The following FCHO2 variants were observed in gnomAD, a reference collection of about 807,000 sequenced individuals.
FCHO2 encodes F-BAR domain only protein 2.
FCHO2 carries 43 observed loss-of-function variants against 114.1 expected under a neutral mutation model. The ratio of observed to expected loss-of-function variants is 0.38; its 90% CI spans 0.30 to 0.49. The LOEUF is 0.49. FCHO2 is among the 20% of genes least tolerant of loss of function. The pLI is 0.97. For missense variants in FCHO2, 807 were observed against 950.4 expected (o/e 0.85, Z 1.98); for synonymous variants, 293 against 315.2 (o/e 0.93, Z 0.75).
At chr5:72,959,676 T>C (rs1393763554) in intron 1 of FCHO2, among the ~76,000 whole-genome samples, 2 of 152,250 alleles carry the variant, frequency 1.3e-5, no homozygotes, top group East Asian at 3.8e-4. Flanking sequence ...ATATATGTTT[T>C]TCATCAATTA....
intron 1 of FCHO2, among the ~76,000 whole-genome samples, chr5:72,967,362 A>G (rs555047055): frequency 1.9e-4 from 29 of 152,266 alleles, no homozygotes; most frequent in African/African-American, 5.5e-4. Flanking sequence ...AATTTTGTCT[A>G]TTTTCTCCCT....
At chr5:72,988,695 G>C (rs1318297775) in intron 2 of FCHO2, among the ~76,000 whole-genome samples, 1 of 152,112 alleles carries the variant, frequency 6.6e-6, no homozygotes, top group East Asian at 1.9e-4. Context: ...ATTTAGTTTT[G>C]TGCAAATGAC....
At chr5:73,076,430 A>G (rs1041634658) in intron 20 of FCHO2, among the ~76,000 whole-genome samples, 1 of 152,110 alleles carries the variant, frequency 6.6e-6, no homozygotes, top group African/African-American at 2.4e-5. Flanking sequence ...ATTTATTTTC[A>G]TTTTTGTGTT....
In FCHO2 at chr5:73,015,647, A is replaced by C; in HGVS notation, c.622A>C (p.Thr208Pro). 6.5e-7 allele frequency: 1 copy of C among 1,546,254 alleles called. No homozygotes were observed. The highest frequency in any genetic ancestry group is 8.8e-7 in the Non-Finnish European group (1 of 1,138,958). The change falls in exon 7 of 26, where the codon ACT (threonine) becomes CCT (proline). Residue 208 changes from threonine (T) to proline (P), a missense_variant. Coordinates refer to ENST00000430046, the MANE Select transcript of FCHO2 (RefSeq NM_138782.3). ...TAQKFQDIEE[T>P]HLIHIKEIIG... Reference sequence around the variant, plus strand: ...CCAGAAATTTCAAGATATTGAAGAAACTCATCTCATTCACATAAAGGAAAT... The same window carrying C: ...CCAGAAATTTCAAGATATTGAAGAACCTCATCTCATTCACATAAAGGAAAT...
At chr5:73,056,750 C>T (rs1355836787) in intron 16 of FCHO2, among the ~76,000 whole-genome samples, 1 of 152,014 alleles carries the variant, frequency 6.6e-6, no homozygotes, top group Non-Finnish European at 1.5e-5. Flanking sequence ...GGAATTTTCT[C>T]ATTTCTTCCT....
chr5:73,043,734 A>G (rs1333076476), intron 11 of FCHO2, among the ~76,000 whole-genome samples: 2 of 152,206 alleles, frequency 1.3e-5, no homozygotes, highest in African/African-American at 4.8e-5. Context: ...TGTTTTAAAA[A>G]TAAGATAAAT....
chr5:73,071,265 C>T (rs1220078740), intron 19 of FCHO2, among the ~76,000 whole-genome samples: 1 of 151,844 alleles, frequency 6.6e-6, no homozygotes, highest in Non-Finnish European at 1.5e-5. Context: ...AATTCTAAAG[C>T]TATCCAAATC....
chr5:72,980,298 G>A (rs984448768), intron 2 of FCHO2, among the ~76,000 whole-genome samples: 1 of 152,220 alleles, frequency 6.6e-6, no homozygotes, highest in African/African-American at 2.4e-5. Flanking sequence ...TGGTTGCACT[G>A]TGGTCTGAGA....
In FCHO2 at chr5:73,044,406, G is replaced by GT. The variant is rs930397953; in HGVS notation, c.939+3097dup. The stretch of plus-strand genomic sequence containing the variant: ...GGCATATGCCACCATGCCTGGCTAT[G>GT]TTTTTTCATTTTTAGTAGAGGCAAT... On this transcript the variant is annotated intron_variant, in intron 11 of 25. Coordinates refer to ENST00000430046, the MANE Select transcript of FCHO2 (RefSeq NM_138782.3). Among the ~76,000 whole-genome samples the GT allele has an allele frequency of 8.3e-4, 127 of 152,126 alleles. No individual in the cohort carries two copies. In the Middle Eastern group the frequency reaches 0.01, roughly 12 times the overall value.
At chr5:73,017,384 T>C (rs1755362618) in intron 8 of FCHO2, 76 bp downstream of exon 8, 2 of 882,422 alleles carry the variant, frequency 2.3e-6, no homozygotes. Context: ...TTGAAGATCA[T>C]GTGGGTAAGG....
chr5:73,080,887 G>T (rs1248747281), intron 22 of FCHO2, among the ~76,000 whole-genome samples: 1 of 152,134 alleles, frequency 6.6e-6, no homozygotes, highest in Non-Finnish European at 1.5e-5. Context: ...GAGGCGAGAA[G>T]ATTGCTTGAG....
intron 12 of FCHO2, 51 bp from the exon 13 acceptor site, chr5:73,052,281 C>A (rs778294961): frequency 1.4e-6 from 2 of 1,477,386 alleles, no homozygotes; most frequent in African/African-American, 2.8e-5. Context: ...GTGTGAAAAA[C>A]TGGTTATACG....
chr5:73,081,586 A>T (rs1377754511), intron 22 of FCHO2, among the ~76,000 whole-genome samples, 197 bp from the exon 23 acceptor site: 1 of 152,150 alleles, frequency 6.6e-6, no homozygotes, highest in Non-Finnish European at 1.5e-5. Flanking sequence ...AGCAATTTTG[A>T]TGTAAGTAGT....
At chr5:73,013,356 T>C (rs889251356) in intron 6 of FCHO2, among the ~76,000 whole-genome samples, 1 of 152,120 alleles carries the variant, frequency 6.6e-6, no homozygotes, top group South Asian at 2.1e-4. Flanking sequence ...AGACATTAAA[T>C]ATAGGGTCAG....
chr5:72,993,370 G>A (rs778727502), intron 5 of FCHO2, among the ~76,000 whole-genome samples: 1 of 152,046 alleles, frequency 6.6e-6, no homozygotes, highest in South Asian at 2.1e-4. Flanking sequence ...AGAAGCAAAC[G>A]TTACCAACAT....
chr5:72,991,225 C>T (rs747094487), intron 5 of FCHO2, among the ~76,000 whole-genome samples: 6 of 152,090 alleles, frequency 3.9e-5, no homozygotes, highest in Non-Finnish European at 7.4e-5. Context: ...ACACCACATC[C>T]GGCTAATTTT....
chr5:73,040,267 G>A (rs1379827552), intron 10 of FCHO2, among the ~76,000 whole-genome samples: 2 of 152,142 alleles, frequency 1.3e-5, no homozygotes, highest in Admixed American at 1.3e-4. Flanking sequence ...ACATCCAGTT[G>A]AGTATTCCTA....
intron 2 of FCHO2, among the ~76,000 whole-genome samples, chr5:72,971,668 G>A (rs1293447494): frequency 6.6e-6 from 1 of 152,122 alleles, no homozygotes; most frequent in African/African-American, 2.4e-5. Flanking sequence ...TCACTCTAAT[G>A]GTAGTTTCTT....
Position 73,063,963 on chromosome 5 carries a change from T to A in FCHO2, c.1449+19T>A, listed in dbSNP as rs201456915. On this transcript the variant is annotated intron_variant, in intron 18 of 25. Coordinates refer to ENST00000430046, the MANE Select transcript of FCHO2 (RefSeq NM_138782.3). The stretch of plus-strand genomic sequence containing the variant: ...TGAAATAGTATGTACTCAGGTTTTT[T>A]AAAAATTATTTAACTGTTTTGATTT... 167 of 1,568,920 alleles carry A rather than the reference T, an allele frequency of 1.1e-4. 1 individual carries two copies. In the African/African-American group the frequency reaches 1.5e-3, roughly 14 times the overall value.
Sources: allele counts gnomAD v4.1 joint callset (sites outside exome capture counted in the v4.1 genomes callset), GRCh38; gene constraint gnomAD v4.1.1; transcripts MANE v1.5; gene names NCBI Gene and HGNC (gene_info 2026-07-23, HGNC 2026-07-21).